DAB1: variants seen among roughly 807,000 people sequenced by gnomAD.
DAB1 encodes DAB adaptor protein 1.
A neutral mutation model predicts 64.6 loss-of-function variants in DAB1; 15 were observed. The observed-to-expected ratio is 0.23, with a 90% CI of 0.16 to 0.36. DAB1 has a LOEUF of 0.36. DAB1 is among the 10% of genes least tolerant of loss of function. The pLI is 1.00. For synonymous variants in DAB1, 235 were observed against 251.9 expected, an observed-to-expected ratio of 0.93 and a Z score of 0.64; for missense variants, 596 against 706.7, an observed-to-expected ratio of 0.84 and a Z score of 1.78.
chr1:57,230,313 C>T (rs1667572223), intron 2 of DAB1, among the ~76,000 whole-genome samples: 2 of 148,250 alleles, frequency 1.3e-5, no homozygotes, highest in Non-Finnish European at 3.0e-5. Flanking sequence ...ACTACCACCC[C>T]TTCAGAGAAA....
intron 3 of DAB1, among the ~76,000 whole-genome samples, chr1:58,492,849 T>G (rs1168403124): frequency 1.3e-5 from 2 of 152,208 alleles, no homozygotes; most frequent in African/African-American, 2.4e-5. Flanking sequence ...AAGAAGGAGC[T>G]GGTACCATTC....
At chr1:57,426,875 T>TATATATATATATATA (rs1553180831), upstream of DAB1, among the ~76,000 whole-genome samples, 6 of 129,954 alleles carry the variant, frequency 4.6e-5, no homozygotes, top group Non-Finnish European at 8.1e-5. Flanking sequence ...TATATATATA[T>TATATATATATATATA]TTTTTTGAGA....
At chr1:58,448,039 C>T (rs1028640969) in intron 3 of DAB1, among the ~76,000 whole-genome samples, 2 of 152,060 alleles carry the variant, frequency 1.3e-5, no homozygotes, top group African/African-American at 4.8e-5. Context: ...ATGGCTAACA[C>T]AGCCCAGGCA....
chr1:57,642,413 A>G (rs1646141189), intron 7 of DAB1, among the ~76,000 whole-genome samples: 2 of 152,100 alleles, frequency 1.3e-5, no homozygotes, highest in Non-Finnish European at 2.9e-5. Flanking sequence ...GGTGCCCTGG[A>G]GCACCTCATT....
intron 5 of DAB1, among the ~76,000 whole-genome samples, chr1:58,055,116 T>A (rs565574790): frequency 6.6e-6 from 1 of 152,214 alleles, no homozygotes; most frequent in Non-Finnish European, 1.5e-5. Flanking sequence ...ATTTAACAGA[T>A]GGGAGAGCAA....
chr1:57,940,963 T>C (rs896263813), intron 5 of DAB1, among the ~76,000 whole-genome samples: 6 of 152,216 alleles, frequency 3.9e-5, no homozygotes, highest in Non-Finnish European at 7.3e-5. Flanking sequence ...TTATGATCCA[T>C]CCACTTAGTG....
chr1:57,052,175 C>T (rs1034938073), intron 9 of DAB1, among the ~76,000 whole-genome samples: 7 of 152,090 alleles, frequency 4.6e-5, no homozygotes, highest in African/African-American at 1.7e-4. Context: ...AGAGCCGAGG[C>T]TGTCCACAGC....
intron 1 of DAB1, among the ~76,000 whole-genome samples, chr1:57,379,812 A>G (rs1485279149): frequency 6.6e-6 from 1 of 152,228 alleles, no homozygotes; most frequent in Non-Finnish European, 1.5e-5. Flanking sequence ...TAGTAGAAAG[A>G]TATCCAACCT....
chr1:57,058,969 T>C (rs2100556422), intron 9 of DAB1, among the ~76,000 whole-genome samples: 1 of 152,302 alleles, frequency 6.6e-6, no homozygotes, highest in East Asian at 1.9e-4. Context: ...TCCATTAGGA[T>C]CAGTGCAAAG....
At chr1:57,097,234 C>CTG (rs1654246317) in intron 4 of DAB1, among the ~76,000 whole-genome samples, 1 of 152,042 alleles carries the variant, frequency 6.6e-6, no homozygotes, top group Admixed American at 6.5e-5. Flanking sequence ...CCTGGAAGAC[C>CTG]TGTGGTTTAA....
intron 5 of DAB1, among the ~76,000 whole-genome samples, chr1:58,073,991 AAG>A (rs1160387601): frequency 6.6e-6 from 1 of 152,212 alleles, no homozygotes; most frequent in Non-Finnish European, 1.5e-5. Flanking sequence ...AAAGGACAGA[AAG>A]AACATATCCA....
rs72667906 is a variant in DAB1 at position 58,014,649 on chromosome 1, A to G, written n.388-130487T>C. Among the ~76,000 whole-genome samples, 356 of 152,304 alleles carry G rather than the reference A, an allele frequency of 2.3e-3. 3 individuals are homozygous for G. The highest frequency in any genetic ancestry group is 3.9e-3 in the Non-Finnish European group (264 of 68,026). On this transcript the variant is annotated intron_variant and non_coding_transcript_variant, in intron 5 of 20. Transcript: ENST00000485760. ...TTATATATCCACCTCTGCCTATTCCATGGGAGTCTCCTGACAGTGGTCTTA... is the reference window on the plus strand; with the variant it reads ...TTATATATCCACCTCTGCCTATTCCGTGGGAGTCTCCTGACAGTGGTCTTA...
chr1:57,914,278 G>C (rs1169757906), intron 5 of DAB1, among the ~76,000 whole-genome samples: 2 of 152,082 alleles, frequency 1.3e-5, no homozygotes, highest in African/African-American at 4.8e-5. Flanking sequence ...AAAATGATGA[G>C]TTCATGTCCA....
chr1:57,887,041 T>C (rs1644233926), upstream of DAB1, among the ~76,000 whole-genome samples: 1 of 152,144 alleles, frequency 6.6e-6, no homozygotes, highest in African/African-American at 2.4e-5. Flanking sequence ...ACCTTACATA[T>C]CCGATTCCCT....
chr1:57,711,103 A>C (rs1415996381), intron 6 of DAB1, among the ~76,000 whole-genome samples: 7 of 152,216 alleles, frequency 4.6e-5, no homozygotes, highest in Non-Finnish European at 1.0e-4. Flanking sequence ...GCTGGTAATC[A>C]TTTATCTCTA....
At chr1:57,582,606 AG>A (rs1645327148) in intron 7 of DAB1, among the ~76,000 whole-genome samples, 2 of 152,368 alleles carry the variant, frequency 1.3e-5, no homozygotes, top group African/African-American at 4.8e-5. Flanking sequence ...ATGGGCAAAT[AG>A]GTTCACAAAC....
At chr1:57,933,144 T>C (rs988071154) in intron 5 of DAB1, among the ~76,000 whole-genome samples, 1 of 152,362 alleles carries the variant, frequency 6.6e-6, no homozygotes, top group South Asian at 2.1e-4. Context: ...ATAAGGTTTA[T>C]AACTCTCAGA....
intron 7 of DAB1, among the ~76,000 whole-genome samples, chr1:57,484,173 C>G (rs944896935): frequency 1.3e-5 from 2 of 152,086 alleles, no homozygotes; most frequent in African/African-American, 4.8e-5. Context: ...AGTGCTGAGT[C>G]ACCATCTAAA....
At chr1:57,078,668 A>G (rs1191902274) in intron 4 of DAB1, among the ~76,000 whole-genome samples, 2 of 152,204 alleles carry the variant, frequency 1.3e-5, no homozygotes, top group Non-Finnish European at 2.9e-5. Flanking sequence ...TAAAGTGACC[A>G]GAACAGTGCA....
Sources: gnomAD v4.1 joint callset for allele counts (sites outside exome capture counted in the v4.1 genomes callset) on GRCh38, gnomAD v4.1.1 for gene constraint, MANE v1.5 for transcripts, NCBI Gene and HGNC (gene_info 2026-07-23, HGNC 2026-07-21) for gene names.